The following RNF150 variants were observed in gnomAD, a reference collection of about 807,000 sequenced individuals.
RNF150 encodes ring finger protein 150.
A neutral mutation model predicts 39.3 loss-of-function variants in RNF150; 24 were observed. The observed-to-expected ratio is 0.61, with a 90% CI of 0.44 to 0.86. RNF150 has a LOEUF of 0.86. Ranked by LOEUF, RNF150 falls within the 40% of genes least tolerant of loss-of-function variation. The probability of loss-of-function intolerance (pLI) is 0.00; values close to 1 mark genes in which losing one functional copy is unlikely to be tolerated. For missense variants in RNF150, 502 were observed against 587.8 expected (o/e 0.85, Z 1.51); for synonymous variants, 255 against 227.3 (o/e 1.12, Z -1.10).
At chr4:140,906,029 T>A (rs1004837941) in intron 6 of RNF150, among the ~76,000 whole-genome samples, 1 of 152,084 alleles carries the variant, frequency 6.6e-6, no homozygotes, top group Non-Finnish European at 1.5e-5. Flanking sequence ...TTTTTTGAAT[T>A]ACAAGGGAAA....
chr4:141,059,093 A>G (rs770871361), intron 1 of RNF150, among the ~76,000 whole-genome samples: 3 of 152,182 alleles, frequency 2.0e-5, no homozygotes, highest in Non-Finnish European at 4.4e-5. Context: ...CCTATCCTGT[A>G]TCCTGTGGTT....
intron 1 of RNF150, among the ~76,000 whole-genome samples, chr4:140,974,673 C>T (rs1330863181): frequency 1.3e-5 from 2 of 152,096 alleles, no homozygotes; most frequent in African/African-American, 4.8e-5. Flanking sequence ...GGTATTATCA[C>T]TATTTTATTT....
At chr4:141,055,491 A>T (rs1736932986) in intron 1 of RNF150, among the ~76,000 whole-genome samples, 1 of 152,130 alleles carries the variant, frequency 6.6e-6, no homozygotes, top group Admixed American at 6.6e-5. Context: ...TAAAAGCCTC[A>T]TGCTTCTTAA....
chr4:141,184,677 T>C (rs1242452976), intron 1 of RNF150, among the ~76,000 whole-genome samples: 1 of 152,216 alleles, frequency 6.6e-6, no homozygotes, highest in Non-Finnish European at 1.5e-5. Context: ...GTTAATTTTT[T>C]GTATAAGGTG....
At chr4:141,140,434 GA>G (rs1727100144) in intron 1 of RNF150, among the ~76,000 whole-genome samples, 1 of 152,068 alleles carries the variant, frequency 6.6e-6, no homozygotes, top group Non-Finnish European at 1.5e-5. Flanking sequence ...AGTCAGCTTG[GA>G]AAAACTCATT....
intron 6 of RNF150, among the ~76,000 whole-genome samples, chr4:140,882,211 G>C (rs1187943365): frequency 6.6e-6 from 1 of 152,136 alleles, no homozygotes; most frequent in East Asian, 1.9e-4. Flanking sequence ...AGTAGAGACG[G>C]GGTTTCACCA....
At chr4:140,912,984 A>AAC (rs1730669225) in intron 5 of RNF150, among the ~76,000 whole-genome samples, 1 of 135,416 alleles carries the variant, frequency 7.4e-6, no homozygotes, top group Admixed American at 7.4e-5. Flanking sequence ...AAAAAAAAAA[A>AAC]CACCATGGGC....
chr4:140,949,507 G>GA, intron 2 of RNF150, 135 bp from the exon 3 acceptor site: 1 of 693,998 alleles, frequency 1.4e-6, no homozygotes, highest in Admixed American at 2.3e-5. Flanking sequence ...ATGACGACTA[G>GA]AAAAGACAGG....
intron 6 of RNF150, among the ~76,000 whole-genome samples, chr4:140,882,032 A>AT (rs1200048211): frequency 1.3e-5 from 2 of 151,008 alleles, no homozygotes; most frequent in Non-Finnish European, 3.0e-5. Context: ...TTTTATTTTT[A>AT]TTTTTGAGAT....
intron 1 of RNF150, among the ~76,000 whole-genome samples, chr4:140,992,129 C>T (rs1425445): frequency 0.19 from 28,269 of 152,050 alleles, 2,776 homozygotes; most frequent in Middle Eastern, 0.25. Flanking sequence ...TTTTTATATA[C>T]CTTGTCCTTA....
chr4:140,950,540 A>G (rs531306534), intron 2 of RNF150, among the ~76,000 whole-genome samples: 1 of 152,338 alleles, frequency 6.6e-6, no homozygotes, highest in Admixed American at 6.5e-5. Context: ...AATAAAATTA[A>G]GTTTGACTTT....
chr4:141,153,621 C>T (rs1560761324), intron 1 of RNF150, among the ~76,000 whole-genome samples: 1 of 152,158 alleles, frequency 6.6e-6, no homozygotes, highest in South Asian at 2.1e-4. Context: ...AATGGTAAAA[C>T]ATCTTCAGAT....
intron 2 of RNF150, among the ~76,000 whole-genome samples, chr4:140,958,154 G>C: frequency 6.6e-6 from 1 of 152,144 alleles, no homozygotes; most frequent in African/African-American, 2.4e-5. Context: ...GTAAACAAGA[G>C]ATGATTTAAA....
chr4:141,123,894 T>A (rs1214301150), intron 1 of RNF150, among the ~76,000 whole-genome samples: 1 of 152,240 alleles, frequency 6.6e-6, no homozygotes, highest in Non-Finnish European at 1.5e-5. Flanking sequence ...TCCTTTTTTA[T>A]GGCTGCATAG....
At chr4:141,122,649 G>A (rs555881238) in intron 1 of RNF150, among the ~76,000 whole-genome samples, 1 of 152,260 alleles carries the variant, frequency 6.6e-6, no homozygotes, top group South Asian at 2.1e-4. Context: ...TAAGAGAAAA[G>A]TGGAAACATC....
intron 1 of RNF150, among the ~76,000 whole-genome samples, chr4:141,097,269 G>A (rs1738825553): frequency 6.6e-6 from 1 of 152,088 alleles, no homozygotes; most frequent in African/African-American, 2.4e-5. Context: ...AACACCCTAG[G>A]TCCTGACAGC....
At position 140,921,186 on chromosome 4, in the gene RNF150, T is replaced by C. The variant is rs1239174111; in HGVS notation, c.987+4791A>G. 4.7e-5 allele frequency among the ~76,000 whole-genome samples: 7 copies of C among 150,018 alleles called. No homozygotes were observed. The East Asian group carries it at 1.2e-3, about 25-fold the overall frequency. On this transcript the variant is annotated intron_variant, in intron 5 of 6. Coordinates refer to ENST00000515673, the MANE Select transcript of RNF150 (RefSeq NM_020724.2). Reference sequence around the variant, plus strand: ...CCTAAAACTTAAAGTATAATAATAATAATAATAATAATAATATAATTGATA... The same window carrying C: ...CCTAAAACTTAAAGTATAATAATAACAATAATAATAATAATATAATTGATA...
intron 5 of RNF150, among the ~76,000 whole-genome samples, chr4:140,923,231 G>A (rs1185007556): frequency 1.3e-5 from 2 of 151,888 alleles, no homozygotes; most frequent in Admixed American, 1.3e-4. Context: ...TCTGACAAAG[G>A]GCTAATATCC....
chr4:140,868,102 A>T lies in RNF150; in HGVS notation c.*159T>A. ...ATGGAGAAACTGCATCCTGATTGACAAGACTTTGGATATTGCTTTTCGTCA... is the reference window on the plus strand; with the variant it reads ...ATGGAGAAACTGCATCCTGATTGACTAGACTTTGGATATTGCTTTTCGTCA... On this transcript the variant is annotated 3_prime_UTR_variant, in exon 7 of 7. Transcript: ENST00000515673. The T allele has an allele frequency of 1.7e-6, 1 of 575,648 alleles. No homozygotes were observed. Among genetic ancestry groups the T allele is most frequent in the South Asian group, 2.4e-5 (1 of 41,220 alleles). The allele number at this position is 575,648 out of a possible 1,614,324, so 35.7% of individuals were successfully genotyped here.
Sources: allele counts gnomAD v4.1 joint callset (sites outside exome capture counted in the v4.1 genomes callset), GRCh38; gene constraint gnomAD v4.1.1; transcripts MANE v1.5; gene names NCBI Gene and HGNC (gene_info 2026-07-23, HGNC 2026-07-21).